The following MAGI2 variants were observed in gnomAD, a reference collection of about 807,000 sequenced individuals.
MAGI2 encodes the protein membrane associated guanylate kinase, WW and PDZ domain containing 2.
In MAGI2, 35 loss-of-function variants were observed where a neutral mutation model predicts 133.3. That is an observed-to-expected ratio of 0.26 (90% CI 0.20 to 0.35). MAGI2 has a LOEUF of 0.35. MAGI2 is among the 10% of genes least tolerant of loss of function. The probability of loss-of-function intolerance (pLI) is 1.00; values close to 1 mark genes in which losing one functional copy is unlikely to be tolerated. For missense variants in MAGI2, 1,636 were observed against 1,863.4 expected (o/e 0.88, Z 2.25); for synonymous variants, 729 against 710.6 (o/e 1.03, Z -0.41).
At chr7:78,891,973 GA>G (rs2151571513) in intron 2 of MAGI2, among the ~76,000 whole-genome samples, 1 of 152,304 alleles carries the variant, frequency 6.6e-6, no homozygotes, top group South Asian at 2.1e-4. Flanking sequence ...TGTATATCCA[GA>G]AAACTCAATC....
intron 3 of MAGI2, among the ~76,000 whole-genome samples, chr7:78,594,632 A>G (rs1191896236): frequency 6.6e-6 from 1 of 151,810 alleles, no homozygotes; most frequent in Non-Finnish European, 1.5e-5. Flanking sequence ...TAATTTTTGT[A>G]TTTTTAGTAG....
At chr7:78,811,587 G>A (rs190014593) in intron 2 of MAGI2, among the ~76,000 whole-genome samples, 44 of 151,946 alleles carry the variant, frequency 2.9e-4, no homozygotes, top group African/African-American at 1.1e-3. Flanking sequence ...ACAAATTTTC[G>A]CCTTCATTTT....
intron 9 of MAGI2, among the ~76,000 whole-genome samples, chr7:78,270,023 A>G (rs1236075669): frequency 6.6e-6 from 1 of 152,182 alleles, no homozygotes; most frequent in Non-Finnish European, 1.5e-5. Context: ...TAAATAGGGA[A>G]TCCTTTCCCC....
intron 2 of MAGI2, among the ~76,000 whole-genome samples, chr7:78,949,237 T>C (rs1186283007): frequency 6.6e-6 from 1 of 152,192 alleles, no homozygotes; most frequent in Non-Finnish European, 1.5e-5. Context: ...AAAAGTTCTA[T>C]GATGGCATAA....
chr7:79,142,879 C>G (rs533454219), intron 1 of MAGI2, among the ~76,000 whole-genome samples: 79 of 152,280 alleles, frequency 5.2e-4, no homozygotes, highest in African/African-American at 1.9e-3. Context: ...GATAAATAGG[C>G]AGCATGTCAG....
At chr7:78,284,380 T>C (rs905701909) in intron 9 of MAGI2, among the ~76,000 whole-genome samples, 1 of 152,018 alleles carries the variant, frequency 6.6e-6, no homozygotes, top group Non-Finnish European at 1.5e-5. Flanking sequence ...CTTTTATCCA[T>C]GTGTCCACTC....
intron 2 of MAGI2, among the ~76,000 whole-genome samples, chr7:78,669,934 A>G (rs1200205464): frequency 1.3e-5 from 2 of 151,592 alleles, no homozygotes; most frequent in Non-Finnish European, 2.9e-5. Context: ...AAATAATAAG[A>G]GCTATCTATG....
Position 79,355,661 on chromosome 7 carries a change from T to G in MAGI2, c.301+97359A>C, listed in dbSNP as rs530984144. Among the ~76,000 whole-genome samples, 21 of 152,364 alleles carry G rather than the reference T, an allele frequency of 1.4e-4. No homozygotes were observed. In the South Asian group the frequency reaches 4.1e-3, roughly 30 times the overall value. ...TTGTCACTGCCACGACTTTTTGTTTTGTTTTGTTTTCCTAAATCAGATAGA... is the reference window on the plus strand; with the variant it reads ...TTGTCACTGCCACGACTTTTTGTTTGGTTTTGTTTTCCTAAATCAGATAGA... On this transcript the variant is annotated intron_variant, in intron 1 of 21. Transcript: ENST00000354212.
chr7:79,243,721 A>G (rs922081278), intron 1 of MAGI2, among the ~76,000 whole-genome samples: 1 of 152,200 alleles, frequency 6.6e-6, no homozygotes, highest in Non-Finnish European at 1.5e-5. Flanking sequence ...TCTTTTACCT[A>G]TGGCTTTAAT....
At chr7:78,923,105 A>T (rs908268574) in intron 2 of MAGI2, among the ~76,000 whole-genome samples, 1 of 152,074 alleles carries the variant, frequency 6.6e-6, no homozygotes, top group Non-Finnish European at 1.5e-5. Context: ...CCTCTGTCAG[A>T]TGAGTAGGTT....
At chr7:78,242,168 T>C (rs1791221574) in intron 10 of MAGI2, among the ~76,000 whole-genome samples, 1 of 152,178 alleles carries the variant, frequency 6.6e-6, no homozygotes, top group African/African-American at 2.4e-5. Context: ...GCCAATTGAA[T>C]GTGGCAGAAA....
intron 2 of MAGI2, among the ~76,000 whole-genome samples, chr7:78,994,637 A>G (rs543708118): frequency 5.3e-5 from 8 of 152,218 alleles, no homozygotes; most frequent in African/African-American, 9.6e-5. Context: ...GGATATAGGC[A>G]TCAGATAGAC....
At chr7:79,253,505 T>C (rs1034750473) in intron 1 of MAGI2, among the ~76,000 whole-genome samples, 1 of 152,072 alleles carries the variant, frequency 6.6e-6, no homozygotes, top group African/African-American at 2.4e-5. Flanking sequence ...TAGCCTGGCA[T>C]GGTAGCACAC....
intron 16 of MAGI2, among the ~76,000 whole-genome samples, chr7:78,157,468 C>T (rs930651910): frequency 2.0e-5 from 3 of 152,056 alleles, no homozygotes; most frequent in Admixed American, 6.6e-5. Flanking sequence ...ATTTTATTTG[C>T]AATAGGAAAA....
At chr7:78,502,632 T>C (rs558218841) in intron 4 of MAGI2, among the ~76,000 whole-genome samples, 37 of 152,350 alleles carry the variant, frequency 2.4e-4, no homozygotes, top group Non-Finnish European at 4.0e-4. Flanking sequence ...ATAAATTAAA[T>C]TTTATCATAG....
intron 2 of MAGI2, among the ~76,000 whole-genome samples, chr7:78,982,896 T>G (rs906942255): frequency 6.6e-6 from 1 of 151,748 alleles, no homozygotes; most frequent in African/African-American, 2.4e-5. Context: ...TGAAAAAAAA[T>G]TGTTTTAATA....
In MAGI2 at chr7:78,201,181, G is replaced by A. The variant is rs763459661; in HGVS notation, c.2060C>T (p.Pro687Leu). 2 of 1,483,974 alleles carry A rather than the reference G, an allele frequency of 1.3e-6. No homozygotes were observed. The highest frequency in any genetic ancestry group is 1.8e-6 in the Non-Finnish European group (2 of 1,115,998). The allele number at this position is 1,483,974 out of a possible 1,614,324, so 91.9% of individuals were successfully genotyped here. A position where few individuals can be genotyped will look rare whatever the true frequency, so the allele number is the denominator to read the frequency against. Residue 687 changes from proline to leucine, a missense_variant, in exon 11 of 22, where the codon CCA becomes CTA. Pro to Leu is a moderately conservative substitution (Grantham distance 98). This residue lies in a region of MAGI2 where 920 missense variants were observed against 1,093.5 expected (regional missense o/e 0.84). Coordinates refer to ENST00000354212, the MANE Select transcript of MAGI2 (RefSeq NM_012301.4). The stretch of plus-strand genomic sequence containing the variant: ...ACTTACAGGCTTTGGAGTTTTCCAT[G>A]GAGAAAAGAAACCTGTAATAAAGAA... ...LIIHRGGFFSPWKTPKPIMDR... is the reference protein window; with the variant it reads ...LIIHRGGFFSLWKTPKPIMDR...
rs914581783 is a variant in MAGI2 at position 78,292,747 on chromosome 7, T to C, written c.1409-36166A>G. Among the ~76,000 whole-genome samples, 11 of 152,188 alleles carry C rather than the reference T, an allele frequency of 7.2e-5. No homozygotes were observed. In the East Asian group the frequency reaches 1.2e-3, roughly 16 times the overall value. ...GTACGAAAACAGAGATATAGACCAA[T>C]GGAACAGAACAGAGCCCCTGGAAAT... On this transcript the variant is annotated intron_variant, in intron 9 of 21. Coordinates refer to ENST00000354212, the MANE Select transcript of MAGI2 (RefSeq NM_012301.4).
At chr7:78,607,487 G>T (rs959238383) in intron 3 of MAGI2, among the ~76,000 whole-genome samples, 3 of 105,906 alleles carry the variant, frequency 2.8e-5, no homozygotes, top group Non-Finnish European at 5.9e-5. Flanking sequence ...TCATTAGAAA[G>T]AAGTCAAACT....
Sources: gnomAD v4.1 joint callset for allele counts (sites outside exome capture counted in the v4.1 genomes callset) on GRCh38, gnomAD v4.1.1 for gene constraint, gnomAD v4.1.1 regional missense constraint, MANE v1.5 for transcripts, NCBI Gene and HGNC (gene_info 2026-07-23, HGNC 2026-07-21) for gene names.